Variants in MTUS2 observed in about 807,000 individuals in gnomAD.
MTUS2 encodes microtubule-associated tumor suppressor candidate 2.
MTUS2 carries 40 observed loss-of-function variants against 114.1 expected under a neutral mutation model. The observed-to-expected ratio is 0.35, with a 90% CI of 0.27 to 0.46. The LOEUF (loss-of-function observed/expected upper bound fraction) is 0.46. Among genes scored for constraint, MTUS2 ranks in the 20% least tolerant of loss-of-function variants. The pLI is 1.00. For missense variants in MTUS2, 1,679 were observed against 1,705.4 expected (o/e 0.98, Z 0.27); for synonymous variants, 688 against 672.0 (o/e 1.02, Z -0.37).
intron 2 of MTUS2, among the ~76,000 whole-genome samples, chr13:28,931,224 T>C (rs1437718321): frequency 2.6e-5 from 4 of 152,144 alleles, no homozygotes; most frequent in African/African-American, 7.2e-5. Flanking sequence ...CAACCACCAA[T>C]TGAAAATATT....
chr13:29,149,853 A>G (rs567124771), intron 5 of MTUS2, among the ~76,000 whole-genome samples: 33 of 152,132 alleles, frequency 2.2e-4, no homozygotes, highest in East Asian at 1.4e-3. Context: ...TGGATCCTCT[A>G]TTCTGTTCCA....
chr13:29,037,591 T>C (rs995020976), intron 4 of MTUS2, among the ~76,000 whole-genome samples: 2 of 152,224 alleles, frequency 1.3e-5, no homozygotes, highest in African/African-American at 4.8e-5. Context: ...TCCTGGATAA[T>C]ATCCTGAAGT....
chr13:29,034,848 C>A (rs1383772432), intron 4 of MTUS2, among the ~76,000 whole-genome samples: 2 of 152,202 alleles, frequency 1.3e-5, no homozygotes, highest in Admixed American at 6.5e-5. Flanking sequence ...CCCACCACTG[C>A]ACCTTCATCA....
chr13:29,116,377 G>A (rs569104741), intron 5 of MTUS2, among the ~76,000 whole-genome samples: 2 of 152,274 alleles, frequency 1.3e-5, no homozygotes, highest in East Asian at 3.9e-4. Flanking sequence ...CCAAGACATT[G>A]AGATTTTACT....
At chr13:28,891,975 G>A (rs1412819993) in intron 2 of MTUS2, among the ~76,000 whole-genome samples, 1 of 151,164 alleles carries the variant, frequency 6.6e-6, no homozygotes, top group Non-Finnish European at 1.5e-5. Flanking sequence ...ATCCGGCTCA[G>A]CTGCTATTTT....
intron 2 of MTUS2, among the ~76,000 whole-genome samples, chr13:28,933,299 A>G (rs1352684764): frequency 6.6e-6 from 1 of 152,150 alleles, no homozygotes; most frequent in African/African-American, 2.4e-5. Context: ...TCTTCAGTCT[A>G]CAGTCTGCAG....
At chr13:28,891,117 G>A (rs1878897544) in intron 2 of MTUS2, among the ~76,000 whole-genome samples, 1 of 152,196 alleles carries the variant, frequency 6.6e-6, no homozygotes, top group Non-Finnish European at 1.5e-5. Flanking sequence ...CGAAGCTATG[G>A]GAGAAGAGAT....
At chr13:29,391,985 C>T (rs1873516458) in intron 8 of MTUS2, among the ~76,000 whole-genome samples, 1 of 151,792 alleles carries the variant, frequency 6.6e-6, no homozygotes, top group African/African-American at 2.4e-5. Context: ...AAAAATTAGC[C>T]AGGTGTGGTG....
At chr13:29,488,217 C>T in intron 11 of MTUS2, 1 of 564,796 alleles carries the variant, frequency 1.8e-6, no homozygotes, top group Non-Finnish European at 3.2e-6. Flanking sequence ...TGCAGTTATC[C>T]TCAACCTTGA....
chr13:29,079,911 G>A (rs1015822859), intron 4 of MTUS2, among the ~76,000 whole-genome samples: 1 of 152,128 alleles, frequency 6.6e-6, no homozygotes, highest in African/African-American at 2.4e-5. Flanking sequence ...TTTAGGATTA[G>A]CTTGTTAATT....
chr13:29,015,271 C>G (rs1342845881), intron 2 of MTUS2, among the ~76,000 whole-genome samples: 1 of 151,924 alleles, frequency 6.6e-6, no homozygotes, highest in African/African-American at 2.4e-5. Context: ...ACATCCTGAG[C>G]AAGAAAAAAG....
At chr13:29,075,481 T>C (rs1465343126) in intron 4 of MTUS2, among the ~76,000 whole-genome samples, 2 of 152,376 alleles carry the variant, frequency 1.3e-5, no homozygotes, top group East Asian at 3.9e-4. Context: ...GTTAGTATTA[T>C]CTCTGACTGT....
chr13:28,918,332 T>C (rs1473562402), intron 2 of MTUS2, among the ~76,000 whole-genome samples: 1 of 152,036 alleles, frequency 6.6e-6, no homozygotes, highest in Non-Finnish European at 1.5e-5. Context: ...TCCAATAATA[T>C]TAGCTTTATA....
At chr13:29,290,960 A>G (rs1898687191) in intron 6 of MTUS2, among the ~76,000 whole-genome samples, 1 of 152,208 alleles carries the variant, frequency 6.6e-6, no homozygotes, top group South Asian at 2.1e-4. Flanking sequence ...CACTTGCCAC[A>G]ATGAGTGCTC....
At chr13:29,171,050 TGAGGATCA>T (rs1893535392) in intron 5 of MTUS2, among the ~76,000 whole-genome samples, 1 of 152,282 alleles carries the variant, frequency 6.6e-6, no homozygotes, top group South Asian at 2.1e-4. Flanking sequence ...CTGTGTTAAC[TGAGGATCA>T]TTGTGCATAT....
chr13:28,996,626 G>C (rs1593367259), intron 2 of MTUS2, among the ~76,000 whole-genome samples: 1 of 152,086 alleles, frequency 6.6e-6, no homozygotes, highest in African/African-American at 2.4e-5. Context: ...TTTAGTCTTG[G>C]GAGGGTGTAT....
chr13:29,007,141 A>T (rs1402895916), intron 2 of MTUS2, among the ~76,000 whole-genome samples: 2 of 152,184 alleles, frequency 1.3e-5, no homozygotes, highest in Non-Finnish European at 2.9e-5. Context: ...GATTTTTTTA[A>T]TGGGTTTGTA....
intron 8 of MTUS2, among the ~76,000 whole-genome samples, chr13:29,421,805 G>T (rs1463664316): frequency 6.6e-6 from 1 of 152,182 alleles, no homozygotes; most frequent in African/African-American, 2.4e-5. Flanking sequence ...AGGAGGTGAG[G>T]TGGTGCTAAG....
intron 2 of MTUS2, among the ~76,000 whole-genome samples, chr13:28,896,348 C>T (rs892223213): frequency 1.6e-3 from 244 of 152,164 alleles, no homozygotes; most frequent in African/African-American, 4.8e-3. Flanking sequence ...TTACAAGGGA[C>T]GTGAAGGACC....
Sources: gnomAD v4.1 joint callset for allele counts (sites outside exome capture counted in the v4.1 genomes callset) on GRCh38, gnomAD v4.1.1 for gene constraint, MANE v1.5 for transcripts, NCBI Gene and HGNC (gene_info 2026-07-23, HGNC 2026-07-21) for gene names.